The following PDE4D variants were observed in gnomAD, a reference collection of about 807,000 sequenced individuals.
The protein encoded by PDE4D is phosphodiesterase 4D.
PDE4D carries 24 observed loss-of-function variants against 87.4 expected under a neutral mutation model. The ratio of observed to expected loss-of-function variants is 0.27; its 90% confidence interval spans 0.20 to 0.39. The LOEUF is 0.39. Among genes scored for constraint, PDE4D ranks in the 10% least tolerant of loss-of-function variants. PDE4D has a pLI of 1.00. For synonymous variants in PDE4D, 384 were observed against 383.2 expected (o/e 1.00, Z -0.02); for missense variants, 714 against 1,041.0 (o/e 0.69, Z 4.32).
At chr5:60,317,425 T>C (rs571569156) in intron 1 of PDE4D, among the ~76,000 whole-genome samples, 1 of 152,324 alleles carries the variant, frequency 6.6e-6, no homozygotes, top group East Asian at 1.9e-4. Context: ...TTGTTGATCT[T>C]TTCAAAAAAC....
upstream of PDE4D, among the ~76,000 whole-genome samples, chr5:60,492,029 C>T (rs551105991): frequency 5.0e-4 from 76 of 151,766 alleles, no homozygotes; most frequent in Non-Finnish European, 9.1e-4. Context: ...TGCTAGATGA[C>T]GCGTTAGTGG....
chr5:59,688,864 G>A (rs543085385), intron 1 of PDE4D, among the ~76,000 whole-genome samples: 10 of 152,066 alleles, frequency 6.6e-5, no homozygotes, highest in South Asian at 2.1e-4. Flanking sequence ...TCAAATAGAC[G>A]CAATAAAAAA....
rs190022658 is a variant in PDE4D, at chr5:59,795,533, T to C, written c.455+97635A>G. ...AACCTATTAAATAAATTACAGCCAT[T>C]CTATAAAAATAGAATTCTATGTTAC... is the stretch of plus-strand genomic sequence containing the variant. On this transcript the variant is annotated intron_variant, in intron 1 of 14. Coordinates refer to ENST00000340635, the MANE Select transcript of PDE4D (RefSeq NM_001104631.2). 6.7e-3 allele frequency among the ~76,000 whole-genome samples: 1,022 copies of C among 152,326 alleles called. 9 individuals are homozygous for C. Among genetic ancestry groups the C allele is most frequent in the Non-Finnish European group, 0.011 (758 of 68,038 alleles).
At chr5:59,345,011 T>C (rs1475726369) in intron 1 of PDE4D, among the ~76,000 whole-genome samples, 1 of 152,020 alleles carries the variant, frequency 6.6e-6, no homozygotes, top group Non-Finnish European at 1.5e-5. Context: ...CATCAATCAG[T>C]TATGGGGAGC....
rs2916864 is a variant in PDE4D at position 59,930,798 on chromosome 5, A to G, written c.272+57690T>C. Among the ~76,000 whole-genome samples, 547 of 152,342 alleles carry G rather than the reference A, an allele frequency of 3.6e-3. 17 individuals carry two copies. The East Asian group carries it at 0.086, about 24-fold the overall frequency. On this transcript the variant is annotated intron_variant, in intron 3 of 16. Coordinates refer to the PDE4D transcript ENST00000502484. The stretch of plus-strand genomic sequence containing the variant: ...GAATTTTTTATTTAGAGTCATTGAA[A>G]GAAATGATTGTTTGAAACAATAATA...
At chr5:59,296,811 G>A (rs1050734374) in intron 1 of PDE4D, among the ~76,000 whole-genome samples, 6 of 151,656 alleles carry the variant, frequency 4.0e-5, no homozygotes, top group East Asian at 1.9e-4. Flanking sequence ...GTGCATGCAC[G>A]TAAAAAGCAA....
intron 3 of PDE4D, among the ~76,000 whole-genome samples, chr5:59,900,176 G>T (rs781457235): frequency 6.6e-6 from 1 of 150,838 alleles, no homozygotes; most frequent in African/African-American, 2.4e-5. Context: ...GGAGGTGAAT[G>T]TTGCAGTGAG....
At chr5:59,464,786 A>G (rs1286006744) in intron 1 of PDE4D, among the ~76,000 whole-genome samples, 1 of 152,238 alleles carries the variant, frequency 6.6e-6, no homozygotes, top group African/African-American at 2.4e-5. Flanking sequence ...ATGTGCAAAA[A>G]TAATGTGATA....
intron 1 of PDE4D, among the ~76,000 whole-genome samples, chr5:59,712,719 A>G: frequency 6.6e-6 from 1 of 151,976 alleles, no homozygotes; most frequent in South Asian, 2.1e-4. Flanking sequence ...AACACCAAAC[A>G]CAAAATTAAT....
chr5:59,750,916 G>A (rs1278843129), intron 1 of PDE4D, among the ~76,000 whole-genome samples: 3 of 145,774 alleles, frequency 2.1e-5, no homozygotes, highest in East Asian at 2.0e-4. Flanking sequence ...TACTCTAGGC[G>A]GCCTGGACAA....
intron 1 of PDE4D, among the ~76,000 whole-genome samples, chr5:60,494,045 G>A (rs958524993): frequency 1.3e-5 from 2 of 152,232 alleles, no homozygotes; most frequent in Middle Eastern, 3.4e-3. Flanking sequence ...GAGGCTTATC[G>A]GACCCACAGA....
chr5:60,381,959 T>C (rs1761889018), intron 1 of PDE4D, among the ~76,000 whole-genome samples: 1 of 152,188 alleles, frequency 6.6e-6, no homozygotes, highest in Admixed American at 6.6e-5. Flanking sequence ...ATTTTACCTA[T>C]TTTCAATTCA....
chr5:59,355,743 C>A (rs1034865686), intron 1 of PDE4D, among the ~76,000 whole-genome samples: 1 of 152,190 alleles, frequency 6.6e-6, no homozygotes, highest in East Asian at 1.9e-4. Flanking sequence ...AATTTGATTT[C>A]TCTGATTTTA....
intron 1 of PDE4D, among the ~76,000 whole-genome samples, chr5:59,691,126 C>G (rs1032925938): frequency 2.0e-5 from 3 of 152,170 alleles, no homozygotes; most frequent in African/African-American, 7.2e-5. Context: ...GTTGGTGGGA[C>G]TGTAAACTAG....
chr5:60,017,299 T>C (rs1765621353), intron 2 of PDE4D, among the ~76,000 whole-genome samples: 1 of 152,178 alleles, frequency 6.6e-6, no homozygotes, highest in Non-Finnish European at 1.5e-5. Context: ...TTAATTTAAT[T>C]TAATTTTAAG....
intron 2 of PDE4D, among the ~76,000 whole-genome samples, chr5:60,061,301 A>G (rs760832597): frequency 5.3e-5 from 8 of 152,146 alleles, no homozygotes; most frequent in Non-Finnish European, 1.5e-5. Flanking sequence ...ACAAGCAGAG[A>G]GCCAAATCAT....
intron 1 of PDE4D, among the ~76,000 whole-genome samples, chr5:59,679,809 G>T (rs921395421): frequency 2.0e-5 from 3 of 152,010 alleles, no homozygotes; most frequent in Non-Finnish European, 2.9e-5. Context: ...GATTAATAAT[G>T]TACATGTATG....
intron 1 of PDE4D, among the ~76,000 whole-genome samples, chr5:59,717,122 AATG>A (rs1755145719): frequency 1.3e-5 from 2 of 152,124 alleles, no homozygotes; most frequent in African/African-American, 4.8e-5. Flanking sequence ...ACTAGAAGAA[AATG>A]TTCTCCTGCC....
chr5:59,236,022 T>G (rs1756344660), intron 1 of PDE4D, among the ~76,000 whole-genome samples: 1 of 152,170 alleles, frequency 6.6e-6, no homozygotes, highest in South Asian at 2.1e-4. Context: ...TATTGATTTT[T>G]AAATTTTAGA....
Sources: gnomAD v4.1 joint callset for allele counts (sites outside exome capture counted in the v4.1 genomes callset) on GRCh38, gnomAD v4.1.1 for gene constraint, MANE v1.5 for transcripts, NCBI Gene and HGNC (gene_info 2026-07-23, HGNC 2026-07-21) for gene names.